Variants in FGF12 observed in about 807,000 individuals in gnomAD.
The protein encoded by FGF12 is fibroblast growth factor 12B.
FGF12 carries 14 observed loss-of-function variants against 23.6 expected under a neutral mutation model. The observed-to-expected ratio is 0.59, with a 90% CI of 0.39 to 0.93. FGF12 has a LOEUF of 0.93. FGF12 is among the 40% of genes least tolerant of loss of function. FGF12 has a pLI of 0.00. For synonymous variants in FGF12, 62 were observed against 77.3 expected (o/e 0.80, Z 1.04); for missense variants, 175 against 217.8 (o/e 0.80, Z 1.24).
intron 2 of FGF12, among the ~76,000 whole-genome samples, chr3:192,438,027 C>T (rs1382184785): frequency 6.6e-6 from 1 of 152,178 alleles, no homozygotes; most frequent in African/African-American, 2.4e-5. Flanking sequence ...CTTTTTTCCT[C>T]GAACATCTGC....
chr3:192,281,674 G>A (rs1276902518), intron 4 of FGF12, among the ~76,000 whole-genome samples: 1 of 152,072 alleles, frequency 6.6e-6, no homozygotes, highest in African/African-American at 2.4e-5. Context: ...CAACACATGG[G>A]CAAACAGTTT....
chr3:192,256,468 A>C (rs1054156538), intron 4 of FGF12, among the ~76,000 whole-genome samples: 1 of 151,456 alleles, frequency 6.6e-6, no homozygotes, highest in Non-Finnish European at 1.5e-5. Context: ...TAAATTGTAC[A>C]TATTTTATAT....
intron 2 of FGF12, among the ~76,000 whole-genome samples, chr3:192,500,131 T>A (rs959300114): frequency 6.6e-6 from 1 of 152,162 alleles, no homozygotes; most frequent in African/African-American, 2.4e-5. Context: ...TTTTTGGACA[T>A]AAGAAACCTG....
At chr3:192,699,829 C>G (rs1487306871) in intron 2 of FGF12, among the ~76,000 whole-genome samples, 3 of 152,208 alleles carry the variant, frequency 2.0e-5, no homozygotes, top group Non-Finnish European at 4.4e-5. Flanking sequence ...CTCCAGCACT[C>G]TCTGAGCTTC....
intron 4 of FGF12, among the ~76,000 whole-genome samples, chr3:192,258,629 T>C (rs1374705546): frequency 6.6e-6 from 1 of 152,160 alleles, no homozygotes; most frequent in Admixed American, 6.6e-5. Context: ...GTAATCCATA[T>C]GAAGATTTAA....
intron 2 of FGF12, among the ~76,000 whole-genome samples, chr3:192,543,214 G>A (rs1725414804): frequency 6.6e-6 from 1 of 152,132 alleles, no homozygotes; most frequent in South Asian, 2.1e-4. Flanking sequence ...TGGCACCCAA[G>A]CCACAAGACT....
intron 2 of FGF12, among the ~76,000 whole-genome samples, chr3:192,647,025 C>G (rs915282834): frequency 1.3e-5 from 2 of 151,974 alleles, no homozygotes; most frequent in East Asian, 1.9e-4. Flanking sequence ...TTGTCTTCAA[C>G]GAGTTGTGGC....
chr3:192,630,791 C>T (rs1577088373), intron 2 of FGF12, among the ~76,000 whole-genome samples: 1 of 151,924 alleles, frequency 6.6e-6, no homozygotes, highest in East Asian at 1.9e-4. Flanking sequence ...ATCTCCTGAC[C>T]TCGAGATCTG....
Position 192,279,635 on chromosome 3 carries a change from C to T in FGF12, c.228+55726G>A, listed in dbSNP as rs144479663. On this transcript the variant is annotated intron_variant, in intron 4 of 5. Coordinates refer to ENST00000445105, the MANE Select transcript of FGF12 (RefSeq NM_004113.6). ...AGTGAGTGAGCAGCAAAGCCAGCGT[C>T]TACACCAGAAATCCTGAATGAGATT... 1.2e-3 allele frequency among the ~76,000 whole-genome samples: 176 copies of T among 152,238 alleles called. 2 individuals are homozygous for T. Among genetic ancestry groups the T allele is most frequent in the African/African-American group, 4.0e-3 (167 of 41,542 alleles).
intron 2 of FGF12, among the ~76,000 whole-genome samples, chr3:192,477,456 T>G (rs1415941401): frequency 6.6e-6 from 1 of 152,160 alleles, no homozygotes; most frequent in Non-Finnish European, 1.5e-5. Flanking sequence ...TTATAGACAA[T>G]TTTTAGTTAC....
chr3:192,481,245 T>C (rs889648087), intron 2 of FGF12, among the ~76,000 whole-genome samples: 11 of 152,112 alleles, frequency 7.2e-5, no homozygotes, highest in African/African-American at 2.4e-4. Context: ...TACGTTGATA[T>C]AAAATTTTTA....
At chr3:192,289,430 G>A (rs1714636476) in intron 4 of FGF12, among the ~76,000 whole-genome samples, 1 of 152,056 alleles carries the variant, frequency 6.6e-6, no homozygotes, top group Admixed American at 6.6e-5. Context: ...TGTGCCAAAA[G>A]GAAGGTAAGA....
At chr3:192,378,026 T>TTCTCTTTCTTTC (rs1719605876) in intron 2 of FGF12, among the ~76,000 whole-genome samples, 1 of 69,442 alleles carries the variant, frequency 1.4e-5, no homozygotes, top group Non-Finnish European at 2.7e-5. Context: ...TGACTCTTTC[T>TTCTCTTTCTTTC]TTTCTTTCTT....
At chr3:192,530,268 G>A (rs1725054178) in intron 2 of FGF12, among the ~76,000 whole-genome samples, 2 of 152,084 alleles carry the variant, frequency 1.3e-5, no homozygotes, top group South Asian at 2.1e-4. Context: ...TGGATGAGAC[G>A]ACTGCTCCTT....
At chr3:192,327,616 G>C (rs1716888909) in intron 4 of FGF12, among the ~76,000 whole-genome samples, 1 of 151,216 alleles carries the variant, frequency 6.6e-6, no homozygotes, top group African/African-American at 2.4e-5. Flanking sequence ...AAATGCCAGC[G>C]ATAAGTGTGC....
intron 2 of FGF12, among the ~76,000 whole-genome samples, chr3:192,483,635 G>T (rs1197409529): frequency 1.3e-5 from 2 of 152,098 alleles, no homozygotes; most frequent in Non-Finnish European, 2.9e-5. Flanking sequence ...AATGAGAGAA[G>T]AATTCAAAGC....
At chr3:192,484,256 C>T (rs886292096) in intron 2 of FGF12, among the ~76,000 whole-genome samples, 1 of 142,736 alleles carries the variant, frequency 7.0e-6, no homozygotes, top group Non-Finnish European at 1.5e-5. Flanking sequence ...GATCTCTATG[C>T]AAAAGAACAC....
At chr3:192,277,827 A>G (rs1042890020) in intron 4 of FGF12, among the ~76,000 whole-genome samples, 6 of 152,132 alleles carry the variant, frequency 3.9e-5, no homozygotes, top group Admixed American at 2.6e-4. Context: ...CAGTGGTGCG[A>G]TCTCAGCCCA....
chr3:192,279,709 CAAAAGTT>C (rs1319053189), intron 4 of FGF12, among the ~76,000 whole-genome samples: 4 of 152,116 alleles, frequency 2.6e-5, no homozygotes, highest in Non-Finnish European at 5.9e-5. Context: ...AACAATAAAA[CAAAAGTT>C]AAAAAGGAAG....
Sources: gnomAD v4.1 joint callset for allele counts (sites outside exome capture counted in the v4.1 genomes callset) on GRCh38, gnomAD v4.1.1 for gene constraint, MANE v1.5 for transcripts, NCBI Gene and HGNC (gene_info 2026-07-23, HGNC 2026-07-21) for gene names.